Variants in DSE observed in about 807,000 individuals in gnomAD.
The protein encoded by DSE is dermatan sulfate epimerase, also known as dermatan-sulfate epimerase.
In DSE, 36 loss-of-function variants were observed where a neutral mutation model predicts 84.4. That is an observed-to-expected ratio of 0.43 (90% CI 0.33 to 0.56). The LOEUF (loss-of-function observed/expected upper bound fraction) is 0.56, where lower values mean the gene tolerates loss of function less well. Ranked by LOEUF, DSE falls within the 20% of genes least tolerant of loss-of-function variation. The probability of loss-of-function intolerance (pLI) is 0.06; values close to 1 mark genes in which losing one functional copy is unlikely to be tolerated. For missense variants in DSE, 862 were observed against 1,169.6 expected, an observed-to-expected ratio of 0.74 and a Z score of 3.84; for synonymous variants, 410 against 430.1, an observed-to-expected ratio of 0.95 and a Z score of 0.58.
At chr6:116,427,332 A>G (rs1783510178) in intron 3 of DSE, among the ~76,000 whole-genome samples, 1 of 152,232 alleles carries the variant, frequency 6.6e-6, no homozygotes, top group Non-Finnish European at 1.5e-5. Context: ...GCTTTAACAT[A>G]TTGCATAATT....
rs539879680 is a variant in DSE at position 116,350,137 on chromosome 6, A to G, written c.-53-49061A>G. On this transcript the variant is annotated intron_variant, in intron 2 of 3. Coordinates refer to the DSE transcript ENST00000430252. ...AAATCCAGTTTCATTTTTAAATTTT[A>G]TATCTTGCTTTTTTCTATGTCAAAA... Among the ~76,000 whole-genome samples, 12 of 152,318 alleles carry G rather than the reference A, an allele frequency of 7.9e-5. No individual in the cohort carries two copies. The South Asian group carries it at 2.3e-3, about 29-fold the overall frequency.
upstream of DSE, among the ~76,000 whole-genome samples, chr6:116,368,030 A>C (rs1779261351): frequency 6.6e-6 from 1 of 152,242 alleles, no homozygotes; most frequent in African/African-American, 2.4e-5. Flanking sequence ...CATGAACCAC[A>C]ATTCACTAAG....
At chr6:116,381,734 A>G (rs914564654) in intron 1 of DSE, among the ~76,000 whole-genome samples, 1 of 151,782 alleles carries the variant, frequency 6.6e-6, no homozygotes, top group African/African-American at 2.4e-5. Flanking sequence ...TGGTGTAGAT[A>G]CTGTAAGAAT....
intron 1 of DSE, among the ~76,000 whole-genome samples, chr6:116,376,463 A>T (rs1278360350): frequency 6.6e-6 from 1 of 152,242 alleles, no homozygotes; most frequent in Non-Finnish European, 1.5e-5. Context: ...ACAAAGAAGA[A>T]GGGAATGATT....
intron 2 of DSE, among the ~76,000 whole-genome samples, chr6:116,351,583 A>G (rs142413480): frequency 5.9e-5 from 9 of 152,194 alleles, no homozygotes; most frequent in African/African-American, 2.2e-4. Context: ...TATTATTTTT[A>G]CCTCATTATA....
chr6:116,328,308 G>A (rs1203056577), intron 2 of DSE, among the ~76,000 whole-genome samples: 1 of 152,124 alleles, frequency 6.6e-6, no homozygotes, highest in African/African-American at 2.4e-5. Flanking sequence ...TAGGGTGTTG[G>A]AATTTAAAAC....
chr6:116,294,593 C>G (rs1420092291), intron 2 of DSE, among the ~76,000 whole-genome samples: 1 of 152,058 alleles, frequency 6.6e-6, no homozygotes, highest in Non-Finnish European at 1.5e-5. Flanking sequence ...AGCTTGTGGG[C>G]ACAAGAACTC....
At chr6:116,373,017 TA>T (rs1304634948) in intron 1 of DSE, among the ~76,000 whole-genome samples, 1 of 150,932 alleles carries the variant, frequency 6.6e-6, no homozygotes, top group East Asian at 2.0e-4. Flanking sequence ...TCTGACAGTT[TA>T]AAAAATACTG....
intron 2 of DSE, among the ~76,000 whole-genome samples, chr6:116,362,077 T>G (rs543190509): frequency 6.6e-6 from 1 of 152,364 alleles, no homozygotes; most frequent in South Asian, 2.1e-4. Flanking sequence ...GGATTCACTT[T>G]CAAAAGCTGT....
intron 2 of DSE, among the ~76,000 whole-genome samples, chr6:116,306,439 A>G (rs1582985662): frequency 6.6e-6 from 1 of 152,130 alleles, no homozygotes; most frequent in African/African-American, 2.4e-5. Flanking sequence ...TCTCATCCTA[A>G]TTTTCCTGCC....
intron 2 of DSE, among the ~76,000 whole-genome samples, chr6:116,295,533 G>C (rs1469635600): frequency 6.6e-6 from 1 of 152,080 alleles, no homozygotes; most frequent in African/African-American, 2.4e-5. Flanking sequence ...TGACAAGGCA[G>C]AAACCACAAT....
intron 2 of DSE, among the ~76,000 whole-genome samples, chr6:116,305,135 CTT>C (rs796539743): frequency 6.9e-6 from 1 of 145,670 alleles, no homozygotes; most frequent in Non-Finnish European, 1.5e-5. Context: ...TCAAACTTTC[CTT>C]TTTTTTTTTT....
intron 2 of DSE, among the ~76,000 whole-genome samples, chr6:116,332,091 A>C (rs1179205304): frequency 6.6e-6 from 1 of 152,250 alleles, no homozygotes; most frequent in Non-Finnish European, 1.5e-5. Flanking sequence ...CTCAATTCTA[A>C]TCTCGACTTG....
At chr6:116,322,538 A>G (rs1396335764) in intron 2 of DSE, among the ~76,000 whole-genome samples, 1 of 151,176 alleles carries the variant, frequency 6.6e-6, no homozygotes, top group Non-Finnish European at 1.5e-5. Context: ...CATCCCCAAA[A>G]TTACTTCTGC....
chr6:116,274,548 C>G (rs942984502), intron 2 of DSE, among the ~76,000 whole-genome samples: 6 of 151,424 alleles, frequency 4.0e-5, no homozygotes, highest in Non-Finnish European at 5.9e-5. Flanking sequence ...CCATTGCACT[C>G]CAGCCTGAGC....
intron 1 of DSE, among the ~76,000 whole-genome samples, chr6:116,394,232 T>G (rs1240248729): frequency 6.6e-6 from 1 of 152,218 alleles, no homozygotes; most frequent in Non-Finnish European, 1.5e-5. Context: ...GACTGCTGAA[T>G]CATAATAGCT....
At chr6:116,397,027 G>A (rs1781294104) in intron 1 of DSE, among the ~76,000 whole-genome samples, 1 of 152,104 alleles carries the variant, frequency 6.6e-6, no homozygotes, top group African/African-American at 2.4e-5. Context: ...GCTGGTAGTT[G>A]AGGGATCTTT....
chr6:116,437,026 A>G lies in DSE; in HGVS notation c.2558A>G (p.Asp853Gly). 1.9e-6 allele frequency: 3 copies of G among 1,614,142 alleles called. No individual in the cohort carries two copies. The highest frequency in any genetic ancestry group is 2.5e-6 in the Non-Finnish European group (3 of 1,179,986). The change falls in exon 6 of 6, where the codon GAT becomes GGT. Residue 853 changes from aspartate (D) to glycine (G), a missense_variant. Asp to Gly is a moderately conservative substitution (Grantham distance 94). Transcript: ENST00000644252. ...LAQKELPIDE[D>G]EEMKDLLDFA... ...CAGAAAGAACTACCCATAGATGAAGATGAAGAAATGAAAGACCTTTTAGAT... is the reference window on the plus strand; with the variant it reads ...CAGAAAGAACTACCCATAGATGAAGGTGAAGAAATGAAAGACCTTTTAGAT...
intron 2 of DSE, among the ~76,000 whole-genome samples, chr6:116,312,558 A>G (rs374885777): frequency 1.3e-5 from 2 of 152,302 alleles, no homozygotes; most frequent in Non-Finnish European, 2.9e-5. Flanking sequence ...GGAGAAACCT[A>G]TAAGGGCTTA....
Sources: gnomAD v4.1 joint callset for allele counts (sites outside exome capture counted in the v4.1 genomes callset) on GRCh38, gnomAD v4.1.1 for gene constraint, MANE v1.5 for transcripts, NCBI Gene and HGNC (gene_info 2026-07-23, HGNC 2026-07-21) for gene names.